Variants in CHD7 observed in about 807,000 individuals in gnomAD.
The protein encoded by CHD7 is chromodomain helicase DNA binding protein 7.
CHD7 carries 24 observed loss-of-function variants against 307.3 expected under a neutral mutation model. The ratio of observed to expected loss-of-function variants is 0.08; its 90% CI spans 0.06 to 0.11. The LOEUF (loss-of-function observed/expected upper bound fraction) is 0.11. Among genes scored for constraint, CHD7 ranks in the 10% least tolerant of loss-of-function variants. CHD7 has a pLI of 1.00. For synonymous variants in CHD7, 1,363 were observed against 1,349.9 expected, an observed-to-expected ratio of 1.01 and a Z score of -0.21; for missense variants, 3,106 against 3,727.1, an observed-to-expected ratio of 0.83 and a Z score of 4.34.
chr8:60,850,836 A>C, intron 26 of CHD7, 196 bp from the exon 27 acceptor site: 1 of 697,756 alleles, frequency 1.4e-6, no homozygotes. Flanking sequence ...TCCAAATGTC[A>C]TTTCCCGCAA....
intron 1 of CHD7, among the ~76,000 whole-genome samples, chr8:60,691,095 T>C (rs1453972355): frequency 1.3e-5 from 2 of 152,108 alleles, no homozygotes; most frequent in African/African-American, 2.4e-5. Context: ...CTGGCTAATT[T>C]TTATATTTTT....
At chr8:60,778,900 G>A in intron 2 of CHD7, among the ~76,000 whole-genome samples, 1 of 152,210 alleles carries the variant, frequency 6.6e-6, no homozygotes, top group East Asian at 1.9e-4. Flanking sequence ...ATGTGTAAGA[G>A]TGTTTGTGAG....
intron 1 of CHD7, among the ~76,000 whole-genome samples, chr8:60,723,419 A>G (rs1233404403): frequency 6.6e-6 from 1 of 152,172 alleles, no homozygotes; most frequent in Non-Finnish European, 1.5e-5. Flanking sequence ...GTTATACCTC[A>G]GTTATGCAAT....
chr8:60,833,332 G>A (rs1476350364), intron 15 of CHD7, among the ~76,000 whole-genome samples: 1 of 152,180 alleles, frequency 6.6e-6, no homozygotes, highest in East Asian at 1.9e-4. Context: ...TTTAGGTTTT[G>A]CAATGTGAAG....
chr8:60,856,215 G>A lies in CHD7; in HGVS notation c.7164+13G>A. ...TCAGTTGTCAAAGGTGAATTAGAATGGCTTGTTTCTGCAGCTTAAAAGGGA... is the reference window on the plus strand; with the variant it reads ...TCAGTTGTCAAAGGTGAATTAGAATAGCTTGTTTCTGCAGCTTAAAAGGGA... On this transcript the variant is annotated intron_variant, in intron 33 of 37. Transcript: ENST00000423902. 6.4e-7 allele frequency: 1 copy of A among 1,551,308 alleles called. No homozygotes were observed. The highest frequency in any genetic ancestry group is 8.7e-7 in the Non-Finnish European group (1 of 1,143,050).
At chr8:60,770,224 A>G (rs985173662) in intron 2 of CHD7, among the ~76,000 whole-genome samples, 34 of 152,362 alleles carry the variant, frequency 2.2e-4, no homozygotes, top group African/African-American at 8.2e-4. Flanking sequence ...TTGTATTCAG[A>G]TAAGAGAGAA....
At chr8:60,701,194 C>A (rs1806743676) in intron 1 of CHD7, among the ~76,000 whole-genome samples, 1 of 152,188 alleles carries the variant, frequency 6.6e-6, no homozygotes, top group Non-Finnish European at 1.5e-5. Context: ...GTCACTGTTT[C>A]CAAGAGAGAG....
In CHD7 at chr8:60,866,120, T is replaced by A. The variant is rs1356924002; in HGVS notation, c.*187T>A. On this transcript the variant is annotated 3_prime_UTR_variant, in exon 38 of 38. Coordinates refer to ENST00000423902, the MANE Select transcript of CHD7 (RefSeq NM_017780.4). ...ATCTTGGTCATTAAGTATTGTGCAGTGCATTATTTATTATCCCTAGGAGAG... is the reference window on the plus strand; with the variant it reads ...ATCTTGGTCATTAAGTATTGTGCAGAGCATTATTTATTATCCCTAGGAGAG... 1.8e-6 allele frequency: 1 copy of A among 565,982 alleles called. No individual in the cohort carries two copies. The highest frequency in any genetic ancestry group is 2.9e-5 in the East Asian group (1 of 34,634). The allele number at this position is 565,982 out of a possible 1,614,324, so 35.1% of individuals were successfully genotyped here.
At chr8:60,822,244 A>C in intron 11 of CHD7, 99 bp downstream of exon 11, 3 of 1,082,482 alleles carry the variant, frequency 2.8e-6, no homozygotes, top group Non-Finnish European at 3.8e-6. Flanking sequence ...TTTAACTCTA[A>C]TAAGAGCTTT....
chr8:60,830,671 T>A, intron 15 of CHD7, 94 bp downstream of exon 15: 1 of 1,380,692 alleles, frequency 7.2e-7, no homozygotes. Flanking sequence ...TGGTGTATAG[T>A]CATTCCTGTC....
chr8:60,774,030 T>C (rs1810834449), intron 2 of CHD7, among the ~76,000 whole-genome samples: 1 of 152,212 alleles, frequency 6.6e-6, no homozygotes, highest in African/African-American at 2.4e-5. Context: ...AAGGCCTTTA[T>C]GGTTTTGGAG....
chr8:60,863,032 A>T (rs1806077323), intron 37 of CHD7: 1 of 170,108 alleles, frequency 5.9e-6, no homozygotes, highest in African/African-American at 2.4e-5. Flanking sequence ...ACAAAACAAA[A>T]ATACAACAGT....
At chr8:60,737,802 A>G (rs552015429) in intron 1 of CHD7, among the ~76,000 whole-genome samples, 1 of 152,330 alleles carries the variant, frequency 6.6e-6, no homozygotes, top group Admixed American at 6.5e-5. Flanking sequence ...TAAAATGGCA[A>G]CCTATATTTT....
chr8:60,772,741 AAG>A (rs1334638654), intron 2 of CHD7, among the ~76,000 whole-genome samples: 2 of 152,204 alleles, frequency 1.3e-5, no homozygotes, highest in Non-Finnish European at 2.9e-5. Flanking sequence ...TGATGAAGAA[AAG>A]AGAGAAGGGA....
intron 3 of CHD7, 22 bp downstream of exon 3, chr8:60,781,452 C>T (rs1462110715): frequency 2.0e-6 from 3 of 1,506,638 alleles, no homozygotes; most frequent in South Asian, 1.3e-5. Context: ...GCAGAAAAAA[C>T]AACTGCAAAA....
intron 1 of CHD7, among the ~76,000 whole-genome samples, chr8:60,719,457 A>G (rs1280895628): frequency 6.6e-6 from 1 of 152,062 alleles, no homozygotes; most frequent in Non-Finnish European, 1.5e-5. Flanking sequence ...TTTTTTCAGA[A>G]TTTTCTTGAA....
At chr8:60,780,206 G>C (rs1015970275) in intron 2 of CHD7, among the ~76,000 whole-genome samples, 2 of 152,146 alleles carry the variant, frequency 1.3e-5, no homozygotes, top group African/African-American at 4.8e-5. Context: ...TGACCACTCA[G>C]AATCCCATTC....
intron 17 of CHD7, among the ~76,000 whole-genome samples, chr8:60,837,234 T>C (rs1389593386): frequency 6.6e-6 from 1 of 152,222 alleles, no homozygotes; most frequent in Non-Finnish European, 1.5e-5. Context: ...TATTGGCACA[T>C]AGATAGGGTC....
At chr8:60,854,599 T>G in intron 32 of CHD7, 76 bp downstream of exon 32, 1 of 1,314,956 alleles carries the variant, frequency 7.6e-7, no homozygotes, top group Non-Finnish European at 1.0e-6. Flanking sequence ...AGCTTGATTT[T>G]TCAAGTAATT....
Sources: gnomAD v4.1 joint callset for allele counts (sites outside exome capture counted in the v4.1 genomes callset) on GRCh38, gnomAD v4.1.1 for gene constraint, MANE v1.5 for transcripts, NCBI Gene and HGNC (gene_info 2026-07-23, HGNC 2026-07-21) for gene names.